WWC1: variants seen among roughly 807,000 people sequenced by gnomAD.
The protein encoded by WWC1 is WW and C2 domain containing 1, also known as protein KIBRA.
In WWC1, 55 loss-of-function variants were observed where a neutral mutation model predicts 138.4. The ratio of observed to expected loss-of-function variants is 0.40; its 90% CI spans 0.32 to 0.50. The LOEUF is 0.50. Among genes scored for constraint, WWC1 ranks in the 20% least tolerant of loss-of-function variants. WWC1 has a pLI of 0.72. For missense variants in WWC1, 1,226 were observed against 1,420.4 expected (o/e 0.86, Z 2.20); for synonymous variants, 524 against 564.9 (o/e 0.93, Z 1.03).
At chr5:168,400,141 A>T (rs920874894) in intron 5 of WWC1, among the ~76,000 whole-genome samples, 1 of 152,148 alleles carries the variant, frequency 6.6e-6, no homozygotes, top group Non-Finnish European at 1.5e-5. Flanking sequence ...AGCTGTGGCC[A>T]GGTAAAATAC....
In WWC1 at chr5:168,423,929, T is replaced by C. The variant is rs1781319227; in HGVS notation, c.1671T>C (p.Ala557=). The stretch of plus-strand genomic sequence containing the variant: ...CTCTCATGGCTGACCCCCTCCTGGC[T>C]GGTGATGCCTTCCTCAACTCCTTGG... The part of the protein sequence containing the change: ...CSPLMADPLL[A]GDAFLNSLEF... Residue 557 remains alanine, a synonymous_variant, in exon 11 of 23, where the codon GCT becomes GCC. Transcript: ENST00000265293. The C allele has an allele frequency of 6.2e-7, 1 of 1,614,118 alleles. No homozygotes were observed. Among genetic ancestry groups the C allele is most frequent in the Non-Finnish European group, 8.5e-7 (1 of 1,180,018 alleles).
intron 2 of WWC1, among the ~76,000 whole-genome samples, chr5:168,374,397 GGAA>G (rs61423847): frequency 0.26 from 38,807 of 152,002 alleles, 5,119 homozygotes; most frequent in South Asian, 0.45. Flanking sequence ...TGGTCTTCCG[GGAA>G]GAAGATCTTG....
In WWC1 at chr5:168,444,484, G is replaced by A. The variant is rs767219607; in HGVS notation, c.2434-10G>A. ...TGTACCCAATGACCCAGCAACCTTT[G>A]TCTCTATAGGACGCTGTGTCTGCTC... On this transcript the variant is annotated splice_polypyrimidine_tract_variant and intron_variant, in intron 16 of 22. Transcript: ENST00000265293. The A allele has an allele frequency of 1.3e-5, 20 of 1,560,070 alleles. No individual in the cohort carries two copies. Among genetic ancestry groups the A allele is most frequent in the Non-Finnish European group, 1.6e-5 (18 of 1,150,996 alleles).
intron 15 of WWC1, 40 bp from the exon 16 acceptor site, chr5:168,441,642 C>A (rs773636859): frequency 1.3e-6 from 2 of 1,599,368 alleles, no homozygotes; most frequent in Non-Finnish European, 1.7e-6. Context: ...GGTGTCCCCC[C>A]CACCGCCACT....
chr5:168,339,570 C>T (rs1413100118), intron 1 of WWC1, among the ~76,000 whole-genome samples: 1 of 152,142 alleles, frequency 6.6e-6, no homozygotes, highest in African/African-American at 2.4e-5. Context: ...GTTACTTACC[C>T]TCTGTAAGCC....
intron 1 of WWC1, among the ~76,000 whole-genome samples, chr5:168,316,198 A>G (rs1198318051): frequency 1.3e-5 from 2 of 152,198 alleles, no homozygotes; most frequent in Non-Finnish European, 2.9e-5. Flanking sequence ...CTATTTGCCA[A>G]ACTGGTAACT....
chr5:168,356,516 C>G (rs1775434408), intron 1 of WWC1, among the ~76,000 whole-genome samples: 1 of 152,232 alleles, frequency 6.6e-6, no homozygotes, highest in South Asian at 2.1e-4. Flanking sequence ...CCGGCCCACA[C>G]CCTGCTCTGA....
At chr5:168,414,689 G>T in intron 9 of WWC1, 99 bp downstream of exon 9, 1 of 1,420,574 alleles carries the variant, frequency 7.0e-7, no homozygotes. Flanking sequence ...CGGGCCCCTG[G>T]GCTCCACCCT....
chr5:168,371,275 A>G (rs1776733063), intron 1 of WWC1, 149 bp from the exon 2 acceptor site: 3 of 580,960 alleles, frequency 5.2e-6, no homozygotes, highest in African/African-American at 3.8e-5. Context: ...CCCGGGAACA[A>G]AGGGGACAAC....
intron 1 of WWC1, among the ~76,000 whole-genome samples, chr5:168,343,622 GA>G (rs1452899524): frequency 6.6e-6 from 1 of 152,120 alleles, no homozygotes; most frequent in African/African-American, 2.4e-5. Flanking sequence ...AAGAGGTCAA[GA>G]CCATCCTGAC....
chr5:168,409,479 A>G (rs982139546), intron 7 of WWC1, among the ~76,000 whole-genome samples: 7 of 152,196 alleles, frequency 4.6e-5, no homozygotes, highest in Admixed American at 3.3e-4. Flanking sequence ...TTGTGAGTGC[A>G]GGGGTCTTCT....
intron 9 of WWC1, among the ~76,000 whole-genome samples, chr5:168,417,006 T>G (rs1780709489): frequency 6.6e-6 from 1 of 152,128 alleles, no homozygotes; most frequent in Non-Finnish European, 1.5e-5. Context: ...TAGCTGGGAT[T>G]ACAAGTGTGC....
chr5:168,447,201 C>G (rs986256106), intron 17 of WWC1, among the ~76,000 whole-genome samples: 1 of 152,322 alleles, frequency 6.6e-6, no homozygotes, highest in East Asian at 1.9e-4. Context: ...GCACTTAACA[C>G]AGACCCTGAC....
intron 2 of WWC1, among the ~76,000 whole-genome samples, chr5:168,373,586 A>G (rs1776921524): frequency 6.6e-6 from 1 of 152,022 alleles, no homozygotes; most frequent in African/African-American, 2.4e-5. Context: ...AATTCTCTTA[A>G]GAGTTATAGA....
At chr5:168,415,751 C>T (rs1313571400) in intron 9 of WWC1, 3 of 121,920 alleles carry the variant, frequency 2.5e-5, no homozygotes, top group African/African-American at 3.2e-5. Context: ...GGTCCCTGCC[C>T]GTAAGGAGCT....
intron 2 of WWC1, among the ~76,000 whole-genome samples, chr5:168,375,834 C>T (rs1279547555): frequency 6.6e-6 from 1 of 152,094 alleles, no homozygotes; most frequent in Non-Finnish European, 1.5e-5. Context: ...CTTGGCCTCC[C>T]AAAGTGCTGG....
At chr5:168,441,874 C>T in intron 16 of WWC1, 40 bp downstream of exon 16, 1 of 1,594,560 alleles carries the variant, frequency 6.3e-7, no homozygotes, top group Non-Finnish European at 8.6e-7. Flanking sequence ...CACAAGGCCG[C>T]ACCCGGATGT....
At chr5:168,420,432 C>G (rs1320010957) in intron 9 of WWC1, among the ~76,000 whole-genome samples, 1 of 152,138 alleles carries the variant, frequency 6.6e-6, no homozygotes, top group East Asian at 1.9e-4. Flanking sequence ...TTAATTACTT[C>G]TTAAAAGCCC....
intron 13 of WWC1, 99 bp downstream of exon 13, chr5:168,428,886 G>T (rs937613654): frequency 2.3e-6 from 3 of 1,288,270 alleles, no homozygotes; most frequent in Non-Finnish European, 3.3e-6. Context: ...GCCGCCCAGG[G>T]TGGAAGGCAG....
Sources: gnomAD v4.1 joint callset for allele counts (sites outside exome capture counted in the v4.1 genomes callset) on GRCh38, gnomAD v4.1.1 for gene constraint, MANE v1.5 for transcripts, NCBI Gene and HGNC (gene_info 2026-07-23, HGNC 2026-07-21) for gene names.